MTX2: variants seen among roughly 807,000 people sequenced by gnomAD.
MTX2 encodes metaxin-2.
Under a neutral mutation model 42.3 loss-of-function variants are expected in MTX2, and 35 were observed. The observed-to-expected ratio is 0.83, with a 90% confidence interval of 0.63 to 1.10. MTX2 has a LOEUF of 1.10. Ranked by LOEUF, MTX2 falls within the 50% of genes least tolerant of loss-of-function variation. The pLI, the probability that MTX2 is intolerant of heterozygous loss-of-function variation, is 0.00. For synonymous variants in MTX2, 119 were observed against 100.9 expected (o/e 1.18, Z -1.08); for missense variants, 307 against 304.1 (o/e 1.01, Z -0.07).
At chr2:176,292,641 T>C (rs1298074867) in intron 1 of MTX2, among the ~76,000 whole-genome samples, 1 of 152,214 alleles carries the variant, frequency 6.6e-6, no homozygotes, top group African/African-American at 2.4e-5. Context: ...GCTCATTTCC[T>C]AGAATGATAC....
At chr2:176,305,694 A>AT (rs1209294221) in intron 3 of MTX2, among the ~76,000 whole-genome samples, 1 of 152,114 alleles carries the variant, frequency 6.6e-6, no homozygotes, top group African/African-American at 2.4e-5. Flanking sequence ...AAATAACCTG[A>AT]TTTTTTTCTA....
chr2:176,337,222 T>C (rs1216423156), intron 9 of MTX2, among the ~76,000 whole-genome samples: 6 of 152,000 alleles, frequency 3.9e-5, no homozygotes, highest in African/African-American at 1.4e-4. Flanking sequence ...TTGTATTTTT[T>C]GTAGAGATGA....
intron 1 of MTX2, among the ~76,000 whole-genome samples, chr2:176,295,565 A>G (rs1356051930): frequency 4.6e-5 from 7 of 152,292 alleles, no homozygotes; most frequent in Non-Finnish European, 2.9e-5. Context: ...AACTATGTGT[A>G]GTTCATTATT....
At chr2:176,331,364 C>T (rs112104023) in intron 9 of MTX2, among the ~76,000 whole-genome samples, 123 of 151,026 alleles carry the variant, frequency 8.1e-4, no homozygotes, top group African/African-American at 2.9e-3. Context: ...ATTTTAATCT[C>T]AAAACTTTCC....
chr2:176,272,762 GATA>G (rs1355160733), intron 1 of MTX2, among the ~76,000 whole-genome samples: 1 of 152,084 alleles, frequency 6.6e-6, no homozygotes, highest in Non-Finnish European at 1.5e-5. Context: ...TAGCGATTGG[GATA>G]ATAAAGATAG....
At chr2:176,311,411 G>A (rs767516750) in intron 3 of MTX2, among the ~76,000 whole-genome samples, 11 of 152,218 alleles carry the variant, frequency 7.2e-5, no homozygotes, top group Non-Finnish European at 1.2e-4. Flanking sequence ...AAACGCTGTG[G>A]TGGGAGAACC....
chr2:176,278,693 T>C (rs559830840), intron 1 of MTX2, among the ~76,000 whole-genome samples: 128 of 152,306 alleles, frequency 8.4e-4, no homozygotes, highest in Non-Finnish European at 1.6e-3. Flanking sequence ...TGAAGTTTCT[T>C]GATAAGCAGT....
intron 1 of MTX2, among the ~76,000 whole-genome samples, chr2:176,287,653 A>G (rs747465317): frequency 2.6e-5 from 4 of 152,140 alleles, no homozygotes; most frequent in Non-Finnish European, 5.9e-5. Flanking sequence ...CTTTTTCCTA[A>G]AAACTTGTGA....
At position 176,328,930 on chromosome 2, in the gene MTX2, A is replaced by G; in HGVS notation, c.417+18A>G. On this transcript the variant is annotated intron_variant, in intron 7 of 9. Transcript: ENST00000249442. ...TAGGGGAGGTGAGTGGTTCTGTAAC[A>G]TTTATCTTAATTAAAATTTAATGAG... 3 of 1,588,600 alleles carry G rather than the reference A, an allele frequency of 1.9e-6. No homozygotes were observed. Among genetic ancestry groups the G allele is most frequent in the East Asian group, 2.2e-5 (1 of 44,560 alleles).
intron 1 of MTX2, among the ~76,000 whole-genome samples, chr2:176,294,386 G>A (rs1178686120): frequency 1.3e-5 from 2 of 149,900 alleles, no homozygotes. Context: ...CTGGGTTCAA[G>A]CAATTCTCTG....
chr2:176,331,515 G>T (rs573683807), intron 9 of MTX2, among the ~76,000 whole-genome samples: 1 of 150,806 alleles, frequency 6.6e-6, no homozygotes, highest in Non-Finnish European at 1.5e-5. Context: ...AACATATTTG[G>T]GTAAAGATAA....
At chr2:176,307,191 C>G (rs1315222421) in intron 3 of MTX2, among the ~76,000 whole-genome samples, 1 of 152,116 alleles carries the variant, frequency 6.6e-6, no homozygotes, top group Non-Finnish European at 1.5e-5. Flanking sequence ...TTGTTTTTGT[C>G]AGGTTTGTCA....
chr2:176,324,368 A>G (rs1267757330), intron 4 of MTX2, among the ~76,000 whole-genome samples: 2 of 151,618 alleles, frequency 1.3e-5, no homozygotes, highest in Non-Finnish European at 3.0e-5. Context: ...GTTCTTTTAT[A>G]TAAATACCTG....
At chr2:176,294,367 C>T (rs946693879) in intron 1 of MTX2, among the ~76,000 whole-genome samples, 1 of 151,026 alleles carries the variant, frequency 6.6e-6, no homozygotes, top group Non-Finnish European at 1.5e-5. Context: ...TCACAGCAAC[C>T]TCTGCCTCCT....
In MTX2 at chr2:176,327,541, G is replaced by GAT. The variant is rs953154759; in HGVS notation, c.285+651_285+652dup. Among the ~76,000 whole-genome samples the GAT allele has an allele frequency of 1.6e-4, 24 of 147,740 alleles. 1 individual carries two copies. Among genetic ancestry groups the GAT allele is most frequent in the Non-Finnish European group, 3.5e-4 (23 of 66,414 alleles). On this transcript the variant is annotated intron_variant, in intron 5 of 9. Coordinates refer to ENST00000249442, the MANE Select transcript of MTX2 (RefSeq NM_006554.5). The stretch of plus-strand genomic sequence containing the variant: ...CATTGTTGTATTCTGCTGTATTGGA[G>GAT]ATATATATATATCTCCAAAATATAT...
At chr2:176,295,246 T>C (rs1021239031) in intron 1 of MTX2, among the ~76,000 whole-genome samples, 31 of 152,160 alleles carry the variant, frequency 2.0e-4, no homozygotes, top group Admixed American at 6.6e-5. Context: ...TGCATATAAT[T>C]GAATCTTTGA....
chr2:176,281,420 T>A (rs1184024512), intron 1 of MTX2, among the ~76,000 whole-genome samples: 1 of 152,172 alleles, frequency 6.6e-6, no homozygotes, highest in Non-Finnish European at 1.5e-5. Context: ...ACATGTGGCT[T>A]CTTCATGTGG....
At chr2:176,335,319 A>G (rs1684964062) in intron 9 of MTX2, among the ~76,000 whole-genome samples, 1 of 152,110 alleles carries the variant, frequency 6.6e-6, no homozygotes, top group Non-Finnish European at 1.5e-5. Flanking sequence ...TATGCTATGA[A>G]TGGTAGGATA....
intron 3 of MTX2, among the ~76,000 whole-genome samples, chr2:176,319,018 C>T (rs945134908): frequency 2.0e-5 from 3 of 152,148 alleles, no homozygotes; most frequent in African/African-American, 7.2e-5. Context: ...AGTTATAAAA[C>T]GTTATTCTGA....
Sources: allele counts gnomAD v4.1 joint callset (sites outside exome capture counted in the v4.1 genomes callset), GRCh38; gene constraint gnomAD v4.1.1; transcripts MANE v1.5; gene names NCBI Gene and HGNC (gene_info 2026-07-23, HGNC 2026-07-21).